Variants in RIPPLY3 observed in about 807,000 individuals in gnomAD.
The protein encoded by RIPPLY3 is ripply transcriptional repressor 3.
Under a neutral mutation model 11.9 loss-of-function variants are expected in RIPPLY3, and 8 were observed. The ratio of observed to expected loss-of-function variants is 0.67; its 90% CI spans 0.40 to 1.21. The LOEUF is 1.21. Ranked by LOEUF, RIPPLY3 falls within the 50% of genes most tolerant of loss-of-function variation. The probability of loss-of-function intolerance (pLI) is 0.01; values close to 1 mark genes in which losing one functional copy is unlikely to be tolerated. For synonymous variants in RIPPLY3, 102 were observed against 99.0 expected (o/e 1.03, Z -0.18); for missense variants, 271 against 246.0 (o/e 1.10, Z -0.68).
At chr21:37,013,678 G>T in intron 3 of RIPPLY3, 60 bp downstream of exon 3, 1 of 1,225,906 alleles carries the variant, frequency 8.2e-7, no homozygotes, top group South Asian at 1.3e-5. Flanking sequence ...GCATTAATAT[G>T]CTTTAGTGTC....
chr21:37,014,080 C>T (rs1027890887), intron 3 of RIPPLY3, among the ~76,000 whole-genome samples: 1 of 152,176 alleles, frequency 6.6e-6, no homozygotes, highest in Non-Finnish European at 1.5e-5. Flanking sequence ...CTTTGGGAGG[C>T]TGAGGCAGGT....
intron 2 of RIPPLY3, among the ~76,000 whole-genome samples, chr21:37,010,861 C>T (rs2069514388): frequency 6.6e-6 from 1 of 152,182 alleles, no homozygotes; most frequent in African/African-American, 2.4e-5. Context: ...AACACACTCG[C>T]ACATATGTTA....
At position 37,008,171 on chromosome 21, in the gene RIPPLY3, G is replaced by A; in HGVS notation, c.119G>A (p.Arg40Gln). ...PRGPESPAPW[R>Q]PWIQTPGDAE... ...TGCCGTTCCAGCCCCGCGCCGTGGC[G>A]ACCTTGGATCCAGACACCTGGAGAT... The change falls in exon 2 of 4, where the codon CGA becomes CAA. Residue 40 changes from arginine to glutamine, a missense_variant. Coordinates refer to ENST00000329553, the MANE Select transcript of RIPPLY3 (RefSeq NM_018962.3). 2 of 1,614,102 alleles carry A rather than the reference G, an allele frequency of 1.2e-6. No homozygotes were observed. The highest frequency in any genetic ancestry group is 1.7e-6 in the Non-Finnish European group (2 of 1,180,016).
Position 37,006,918 on chromosome 21 carries a change from T to C in RIPPLY3, c.104+42T>C. 9.0e-7 allele frequency: 1 copy of C among 1,112,642 alleles called. No homozygotes were observed. Among genetic ancestry groups the C allele is most frequent in the South Asian group, 4.5e-5 (1 of 22,284 alleles). 68.9% of individuals were successfully genotyped at this position (1,112,642 alleles called of 1,614,324 possible). The stretch of plus-strand genomic sequence containing the variant: ...GCCCCGGTGGACGCGCTGAGAGGCG[T>C]GCGCGGTGGCGGTGCGGGGAGCGCA... On this transcript the variant is annotated intron_variant, in intron 1 of 3. Coordinates refer to ENST00000329553, the MANE Select transcript of RIPPLY3 (RefSeq NM_018962.3). The surrounding 1 kb of genome is among the most constrained non-coding windows in gnomAD (Gnocchi z 5.2).
intron 3 of RIPPLY3, 131 bp downstream of exon 3, chr21:37,013,749 T>C (rs1831740795): frequency 1.6e-6 from 1 of 621,166 alleles, no homozygotes. Flanking sequence ...TGGTATTGTT[T>C]AGTTTCCTTA....
At chr21:37,015,853 T>C (rs553201737) in intron 3 of RIPPLY3, among the ~76,000 whole-genome samples, 139 of 150,144 alleles carry the variant, frequency 9.3e-4, no homozygotes, top group African/African-American at 3.2e-3. Flanking sequence ...GGACTACAGG[T>C]ACAAACCACC....
chr21:37,016,337 G>A (rs1387810439), intron 3 of RIPPLY3, among the ~76,000 whole-genome samples: 7 of 151,980 alleles, frequency 4.6e-5, no homozygotes, highest in East Asian at 1.9e-4. Context: ...ATGTCCCCTC[G>A]AGGTCGAGAA....
upstream of RIPPLY3, chr21:37,006,632 GC>G (rs1601093263): frequency 6.9e-6 from 3 of 434,340 alleles, no homozygotes; most frequent in East Asian, 1.2e-4. This position sits in a 1 kb window ranked among gnomAD's most constrained non-coding sequence, Gnocchi z 5.2. Context: ...CTCGGGTCCT[GC>G]CCCCTCCCAG....
intron 3 of RIPPLY3, among the ~76,000 whole-genome samples, chr21:37,016,793 T>G (rs1163483840): frequency 6.6e-6 from 1 of 152,194 alleles, no homozygotes; most frequent in African/African-American, 2.4e-5. Flanking sequence ...ATTGCCTCAC[T>G]GTGCTCCAGC....
chr21:37,015,695 G>C (rs2146778970), intron 3 of RIPPLY3, among the ~76,000 whole-genome samples: 1 of 151,970 alleles, frequency 6.6e-6, no homozygotes, highest in Non-Finnish European at 1.5e-5. Context: ...CTATGTTGTT[G>C]TTGTTGTTAG....
At chr21:37,013,161 A>G (rs1378715187) in intron 2 of RIPPLY3, among the ~76,000 whole-genome samples, 1 of 151,800 alleles carries the variant, frequency 6.6e-6, no homozygotes, top group African/African-American at 2.4e-5. Flanking sequence ...AGAATTGCAA[A>G]CCCACATGCC....
rs1350095136 is a variant in RIPPLY3, at chr21:37,015,428, TGCTGTGATCACAG to T, written c.239+1824_239+1836del. Among the ~76,000 whole-genome samples the T allele has an allele frequency of 4.6e-5, 7 of 152,318 alleles. No individual in the cohort carries two copies. The South Asian group carries it at 1.0e-3, about 23-fold the overall frequency. On this transcript the variant is annotated intron_variant, in intron 3 of 3. Transcript: ENST00000329553. ...ATCCACCCGCCTTGGCCTTCCAAAGTGCTGTGATCACAGGCTGTGATCACAGCCACCGCACCCG... is the reference window on the plus strand; with the variant it reads ...ATCCACCCGCCTTGGCCTTCCAAAGTGCTGTGATCACAGCCACCGCACCCG...
downstream of RIPPLY3, chr21:37,019,662 ATGTT>A (rs374513407): frequency 6.6e-6 from 1 of 152,286 alleles, no homozygotes; most frequent in African/African-American, 2.4e-5. Context: ...TTTTGAAAGA[ATGTT>A]TGATAATCAC....
intron 3 of RIPPLY3, among the ~76,000 whole-genome samples, chr21:37,017,409 T>A (rs923012837): frequency 1.3e-5 from 2 of 152,088 alleles, no homozygotes; most frequent in South Asian, 4.2e-4. Flanking sequence ...GTTTCAGAGA[T>A]GTCAGAGTAA....
At chr21:37,008,319 G>GCCGT (rs1315980746) in intron 2 of RIPPLY3, 96 bp downstream of exon 2, 2 of 1,316,734 alleles carry the variant, frequency 1.5e-6, no homozygotes, top group Non-Finnish European at 2.1e-6. Context: ...TCTGCGCAGG[G>GCCGT]CCGTCCCTTG....
In RIPPLY3 at chr21:37,006,861, C is replaced by T; in HGVS notation, c.89C>T (p.Pro30Leu). The change falls in exon 1 of 4, where the codon CCG (proline) becomes CTG (leucine). Residue 30 changes from proline (P) to leucine (L), a missense_variant. By Grantham distance (98) the Pro-to-Leu change is moderately conservative. Coordinates refer to ENST00000329553, the MANE Select transcript of RIPPLY3 (RefSeq NM_018962.3). This position sits in a 1 kb window ranked among gnomAD's most constrained non-coding sequence, Gnocchi z 5.2. The part of the protein sequence containing the change: ...PGDAPWRPPP[P>L]RGPESPAPWR... Reference sequence around the variant, plus strand: ...GACGCTCCCTGGAGGCCTCCGCCACCGCGCGGGCCGGAGAGGTGAGGGTGG... The same window carrying T: ...GACGCTCCCTGGAGGCCTCCGCCACTGCGCGGGCCGGAGAGGTGAGGGTGG... 3.3e-6 allele frequency: 4 copies of T among 1,220,640 alleles called. No individual in the cohort carries two copies. Among genetic ancestry groups the T allele is most frequent in the Non-Finnish European group, 4.1e-6 (4 of 980,620 alleles). The allele number at this position is 1,220,640 out of a possible 1,614,324, so 75.6% of individuals were successfully genotyped here. A position where few individuals can be genotyped will look rare whatever the true frequency, so the allele number is the denominator to read the frequency against.
At chr21:37,009,994 G>A (rs1411426465) in intron 2 of RIPPLY3, among the ~76,000 whole-genome samples, 2 of 152,216 alleles carry the variant, frequency 1.3e-5, no homozygotes, top group Admixed American at 6.5e-5. Flanking sequence ...TGGGTTCCCT[G>A]CAGTCCACCG....
chr21:37,013,799 G>A (rs1458550632), intron 3 of RIPPLY3, among the ~76,000 whole-genome samples, 181 bp downstream of exon 3: 1 of 152,116 alleles, frequency 6.6e-6, no homozygotes, highest in African/African-American at 2.4e-5. Context: ...ATCCATTCAT[G>A]TATTCATTCA....
In RIPPLY3 at chr21:37,006,812, G is replaced by A. The variant is rs2069468779; in HGVS notation, c.40G>A (p.Gly14Arg). The change falls in exon 1 of 4, where the codon GGG becomes AGG. Residue 14 changes from glycine (G) to arginine (R), a missense_variant. By Grantham distance (125) the Gly-to-Arg change is moderately radical (BLOSUM62 -2). Transcript: ENST00000329553. This position sits in a 1 kb window ranked among gnomAD's most constrained non-coding sequence, Gnocchi z 5.2. Reference protein sequence around the residue: ...EAAAGARKARGRGCHCPGDAP... With the variant: ...EAAAGARKARRRGCHCPGDAP... ...GGCGGCCGGAGCCCGGAAGGCGCGG[G>A]GGCGCGGCTGTCACTGCCCCGGGGA... The A allele has an allele frequency of 2.4e-6, 3 of 1,230,336 alleles. No individual in the cohort carries two copies. The highest frequency in any genetic ancestry group is 6.4e-5 in the East Asian group (2 of 31,180). The allele number at this position is 1,230,336 out of a possible 1,614,324, so 76.2% of individuals were successfully genotyped here.
Sources: gnomAD v4.1 joint callset for allele counts (sites outside exome capture counted in the v4.1 genomes callset) on GRCh38, gnomAD v4.1.1 for gene constraint, Gnocchi (gnomAD v3.1) non-coding constraint, MANE v1.5 for transcripts, NCBI Gene and HGNC (gene_info 2026-07-23, HGNC 2026-07-21) for gene names.